Variants in SEPTIN6 observed in about 807,000 individuals in gnomAD.
The protein encoded by SEPTIN6 is septin-6.
Under a neutral mutation model 33.6 loss-of-function variants are expected in SEPTIN6, and 8 were observed. That is an observed-to-expected ratio of 0.24 (90% confidence interval 0.14 to 0.43). SEPTIN6 has a LOEUF of 0.43. Ranked by LOEUF, SEPTIN6 falls within the 20% of genes least tolerant of loss-of-function variation. The probability of loss-of-function intolerance (pLI) is 1.00; values close to 1 mark genes in which losing one functional copy is unlikely to be tolerated. For synonymous variants in SEPTIN6, 131 were observed against 140.0 expected, an observed-to-expected ratio of 0.94 and a Z score of 0.45; for missense variants, 250 against 340.8, an observed-to-expected ratio of 0.73 and a Z score of 2.10.
chrX:119,641,723 TCA>T (rs904716499), intron 5 of SEPTIN6, among the ~76,000 whole-genome samples: 2 of 111,792 alleles, frequency 1.8e-5, no homozygotes, highest in Non-Finnish European at 3.8e-5. Flanking sequence ...TAGGAAACAC[TCA>T]CAGAGCCGTA....
intron 6 of SEPTIN6, among the ~76,000 whole-genome samples, chrX:119,640,488 AT>A (rs57028302): frequency 0.064 from 4,625 of 71,832 alleles, 62 homozygotes; most frequent in South Asian, 0.099. Flanking sequence ...CCCATTAGAA[AT>A]TAGAGGGAGC....
chrX:119,637,816 T>C (rs1402683533), intron 6 of SEPTIN6, among the ~76,000 whole-genome samples: 1 of 112,322 alleles, frequency 8.9e-6, no homozygotes, highest in East Asian at 2.8e-4. Flanking sequence ...TAGATACAAA[T>C]AGACAAATAC....
intron 1 of SEPTIN6, among the ~76,000 whole-genome samples, chrX:119,680,869 C>G (rs2054944121): frequency 9.3e-6 from 1 of 107,758 alleles, no homozygotes; most frequent in Non-Finnish European, 1.9e-5. Context: ...TAGTCCCAGC[C>G]ACTCGGGAGG....
At chrX:119,654,185 G>A (rs142378316) in intron 3 of SEPTIN6, among the ~76,000 whole-genome samples, 2,075 of 111,248 alleles carry the variant, frequency 0.019, 56 homozygotes, top group African/African-American at 0.064. Context: ...CTCCACACGC[G>A]GCTCCTCTAG....
intron 2 of SEPTIN6, among the ~76,000 whole-genome samples, chrX:119,670,767 C>T (rs1164027517): frequency 9.2e-6 from 1 of 108,241 alleles, no homozygotes; most frequent in East Asian, 2.9e-4. Context: ...GGAGAAACCC[C>T]GTCTCTACTA....
chrX:119,662,417 A>G (rs1021332483), intron 3 of SEPTIN6, among the ~76,000 whole-genome samples: 1 of 111,540 alleles, frequency 9.0e-6, no homozygotes, highest in Middle Eastern at 4.6e-3. Context: ...CCACTCTCCA[A>G]AGCTGGAAAT....
chrX:119,619,719 C>A lies in SEPTIN6; in HGVS notation c.*374G>T. The A allele has an allele frequency of 1.0e-6, 1 of 953,530 alleles. No individual in the cohort carries two copies. The highest frequency in any genetic ancestry group is 1.3e-6 in the Non-Finnish European group (1 of 763,664). 78.6% of individuals were successfully genotyped at this position (953,530 alleles called of 1,213,427 possible). ...TCAGGGAAACTAACAGCAACCAGAA[C>A]TGGAACAGGGGAGCTGGTGGGAAAG... On this transcript the variant is annotated 3_prime_UTR_variant, in exon 11 of 11. Coordinates refer to ENST00000394610, the MANE Select transcript of SEPTIN6 (RefSeq NM_145799.4).
chrX:119,663,452 C>CCCCCAA, intron 3 of SEPTIN6, 30 bp downstream of exon 3: 6 of 693,233 alleles, frequency 8.7e-6, no homozygotes, highest in Non-Finnish European at 9.0e-6. Context: ...CCAACCTCCC[C>CCCCCAA]ACCCTACCCC....
intron 2 of SEPTIN6, among the ~76,000 whole-genome samples, chrX:119,665,959 G>A (rs1360208154): frequency 2.7e-5 from 3 of 109,960 alleles, no homozygotes; most frequent in South Asian, 3.9e-4. Context: ...GTGGGTGCCT[G>A]TAGTCCCAGC....
At chrX:119,642,575 T>G (rs1369758366) in intron 5 of SEPTIN6, among the ~76,000 whole-genome samples, 1 of 110,836 alleles carries the variant, frequency 9.0e-6, no homozygotes, top group African/African-American at 3.3e-5. Context: ...AGGTGCGTAC[T>G]CTAAACCTTG....
chrX:119,619,947 G>A lies in SEPTIN6; in HGVS notation c.*146C>T, dbSNP rs191886420. Reference sequence around the variant, plus strand: ...AAACCTTGGCAGGAAGAGAGGAGAGGGCGCGGGTTGGATTGTATGCCCCCC... The same window carrying A: ...AAACCTTGGCAGGAAGAGAGGAGAGAGCGCGGGTTGGATTGTATGCCCCCC... On this transcript the variant is annotated 3_prime_UTR_variant, in exon 11 of 11. Coordinates refer to ENST00000394610, the MANE Select transcript of SEPTIN6 (RefSeq NM_145799.4). 6.5e-5 allele frequency: 76 copies of A among 1,176,875 alleles called. No individual in the cohort carries two copies. The African/African-American group carries it at 1.2e-3, about 19-fold the overall frequency.
At chrX:119,660,816 G>GGA (rs2054524907) in intron 3 of SEPTIN6, among the ~76,000 whole-genome samples, 1 of 100,321 alleles carries the variant, frequency 1.0e-5, no homozygotes, top group African/African-American at 3.9e-5. Context: ...GAGCGGGGGG[G>GGA]ATCACTTGAG....
At chrX:119,624,157 G>GTT in intron 10 of SEPTIN6, 17 of 207,124 alleles carry the variant, frequency 8.2e-5, no homozygotes, top group Non-Finnish European at 1.3e-4. Flanking sequence ...TTTTTTTTTT[G>GTT]TTTTTTTTTT....
chrX:119,651,099 G>T (rs1569429957), intron 4 of SEPTIN6, among the ~76,000 whole-genome samples: 1 of 110,158 alleles, frequency 9.1e-6, no homozygotes, highest in African/African-American at 3.3e-5. Context: ...CCAACGGGGG[G>T]TGGGGGAGGG....
chrX:119,683,007 C>T (rs1027581904), intron 1 of SEPTIN6, among the ~76,000 whole-genome samples: 5 of 112,273 alleles, frequency 4.5e-5, no homozygotes, highest in Admixed American at 9.5e-5. Flanking sequence ...AATCCCAGCA[C>T]TTTGGGAGGC....
At chrX:119,679,262 G>A (rs1423520533) in intron 1 of SEPTIN6, among the ~76,000 whole-genome samples, 1 of 111,499 alleles carries the variant, frequency 9.0e-6, no homozygotes, top group Non-Finnish European at 1.9e-5. Flanking sequence ...AATTTTTTAA[G>A]CCCTAAGAAG....
At chrX:119,651,335 C>T (rs1265859158) in intron 4 of SEPTIN6, among the ~76,000 whole-genome samples, 1 of 112,047 alleles carries the variant, frequency 8.9e-6, no homozygotes, top group Non-Finnish European at 1.9e-5. Context: ...CAGGCAGAGC[C>T]TATTCTCCTT....
In SEPTIN6 at chrX:119,652,901, A is replaced by G; in HGVS notation, c.481T>C (p.Ser161Pro). ...GTCACTAGGTCCAGAGACTTCAGGG[A>G]ATGACCCGTGGGGGCAATGAAATAC... ...CLYFIAPTGH[S>P]LKSLDLVTMK... The change falls in exon 4 of 11, where the codon TCC becomes CCC. Residue 161 changes from serine to proline, a missense_variant. This residue lies in a region of SEPTIN6 where 139 missense variants were observed against 227.0 expected (regional missense o/e 0.61). Coordinates refer to ENST00000394610, the MANE Select transcript of SEPTIN6 (RefSeq NM_145799.4). 6 of 1,210,628 alleles carry G rather than the reference A, an allele frequency of 5.0e-6. No homozygotes were observed. The highest frequency in any genetic ancestry group is 6.7e-6 in the Non-Finnish European group (6 of 895,117).
chrX:119,654,665 A>G (rs2054409097), intron 3 of SEPTIN6, among the ~76,000 whole-genome samples: 1 of 111,744 alleles, frequency 8.9e-6, no homozygotes, highest in Non-Finnish European at 1.9e-5. Flanking sequence ...GCTGAGATCC[A>G]GGTGCAGGCT....
Sources: gnomAD v4.1 joint callset for allele counts (sites outside exome capture counted in the v4.1 genomes callset) on GRCh38, gnomAD v4.1.1 for gene constraint, gnomAD v4.1.1 regional missense constraint, MANE v1.5 for transcripts, NCBI Gene and HGNC (gene_info 2026-07-23, HGNC 2026-07-21) for gene names.